The following ADAP2 variants were observed in gnomAD, a reference collection of about 807,000 sequenced individuals.
The protein encoded by ADAP2 is ArfGAP with dual PH domains 2, also known as arf-GAP with dual PH domain-containing protein 2.
ADAP2 carries 42 observed loss-of-function variants against 54.9 expected under a neutral mutation model. The ratio of observed to expected loss-of-function variants is 0.77; its 90% CI spans 0.60 to 0.99. The LOEUF is 0.99. Ranked by LOEUF, ADAP2 falls within the 50% of genes least tolerant of loss-of-function variation. ADAP2 has a pLI of 0.00. For synonymous variants in ADAP2, 177 were observed against 180.1 expected (o/e 0.98, Z 0.14); for missense variants, 429 against 480.4 (o/e 0.89, Z 1.00).
rs772545267 is a variant in ADAP2 at position 30,926,912 on chromosome 17, A to C, written c.311A>C (p.Asp104Ala). ...TTCTACTACATCCCCCAGGCCAACG[A>C]CTGCCTGTGAGTGGGTGATTCCTTA... ...PAFYYIPQANDCLVLKEQWIR... is the reference protein window; with the variant it reads ...PAFYYIPQANACLVLKEQWIR... The change falls in exon 3 of 11, where the codon GAC becomes GCC. Residue 104 changes from aspartate to alanine, a missense_variant. Physicochemically the swap from Asp to Ala is moderately radical, Grantham distance 126 (BLOSUM62 -2). Coordinates refer to ENST00000330889, the MANE Select transcript of ADAP2 (RefSeq NM_018404.3). 5 of 1,613,432 alleles carry C rather than the reference A, an allele frequency of 3.1e-6. No homozygotes were observed.
intron 7 of ADAP2, among the ~76,000 whole-genome samples, chr17:30,953,070 G>T (rs891069085): frequency 6.6e-6 from 1 of 152,102 alleles, no homozygotes; most frequent in Admixed American, 6.5e-5. Flanking sequence ...ACCAAAACTC[G>T]GCCGTGCCAC....
At chr17:30,927,029 T>A (rs947218570) in intron 3 of ADAP2, 111 bp downstream of exon 3, 2 of 799,956 alleles carry the variant, frequency 2.5e-6, no homozygotes, top group African/African-American at 3.4e-5. Context: ...ATGGGCCTGG[T>A]GCGCAGGTGG....
intron 5 of ADAP2, among the ~76,000 whole-genome samples, chr17:30,938,274 G>A (rs1391916256): frequency 6.6e-6 from 1 of 152,168 alleles, no homozygotes; most frequent in Non-Finnish European, 1.5e-5. Context: ...CTCATGTCTG[G>A]TGCCTTGGTG....
At chr17:30,954,342 G>T in intron 8 of ADAP2, 136 bp from the exon 9 acceptor site, 1 of 727,844 alleles carries the variant, frequency 1.4e-6, no homozygotes, top group Non-Finnish European at 2.4e-6. Context: ...GAAGCACTAG[G>T]ATGTCTGACT....
intron 6 of ADAP2, among the ~76,000 whole-genome samples, chr17:30,946,445 C>T (rs1912684658): frequency 6.6e-6 from 1 of 152,072 alleles, no homozygotes; most frequent in Non-Finnish European, 1.5e-5. Flanking sequence ...TCTTGAATTC[C>T]TGACCTCAAG....
At chr17:30,922,468 G>A (rs1186487260) in intron 1 of ADAP2, among the ~76,000 whole-genome samples, 1 of 152,172 alleles carries the variant, frequency 6.6e-6, no homozygotes, top group Non-Finnish European at 1.5e-5. Flanking sequence ...CGATGTCTGC[G>A]CACCCAGGCG....
chr17:30,954,603 G>C (rs1422880351), intron 9 of ADAP2, 48 bp downstream of exon 9: 1 of 1,496,560 alleles, frequency 6.7e-7, no homozygotes, highest in African/African-American at 1.4e-5. Context: ...AAACATTGCT[G>C]GGTGGTGCTT....
Position 30,934,252 on chromosome 17 carries a change from A to G in ADAP2, c.465A>G (p.Val155=), listed in dbSNP as rs1439504880. ...CACAGTTTCTGAGAAGGAAGTTTGTACTTCTGGCAAGAGAAGGCCTCCTGA... is the reference window on the plus strand; with the variant it reads ...CACAGTTTCTGAGAAGGAAGTTTGTGCTTCTGGCAAGAGAAGGCCTCCTGA... ...DNSQFLRRKF[V]LLAREGLLKY... Residue 155 remains valine, a synonymous_variant, in exon 5 of 11, where the codon GTA becomes GTG. Transcript: ENST00000330889. 1.2e-6 allele frequency: 2 copies of G among 1,614,170 alleles called. No individual in the cohort carries two copies. The highest frequency in any genetic ancestry group is 8.5e-7 in the Non-Finnish European group (1 of 1,179,992).
chr17:30,947,828 GC>G lies in ADAP2; in HGVS notation c.658-1457del, dbSNP rs544245345. On this transcript the variant is annotated intron_variant, in intron 6 of 10. Transcript: ENST00000330889. Reference sequence around the variant, plus strand: ...TCACAAACTACCACTATTTGAACAAGCCTTTAGCCTCCCAATTCCAAATTCC... The same window carrying G: ...TCACAAACTACCACTATTTGAACAAGCTTTAGCCTCCCAATTCCAAATTCC... 3.1e-3 allele frequency among the ~76,000 whole-genome samples: 479 copies of G among 152,302 alleles called. 3 individuals are homozygous for G. The highest frequency in any genetic ancestry group is 0.011 in the African/African-American group (455 of 41,590).
At position 30,945,002 on chromosome 17, in the gene ADAP2, C is replaced by T. The variant is rs767668212; in HGVS notation, c.606C>T (p.Tyr202=). The stretch of plus-strand genomic sequence containing the variant: ...ACCCCCATGGGCTGCAGATCACCTA[C>T]AGGAGAGATGGCCACACCAGGAACC... The part of the protein sequence containing the change: ...IGHPHGLQIT[Y]RRDGHTRNLF... The change falls in exon 6 of 11, where the codon TAC becomes TAT. Residue 202 remains tyrosine, a synonymous_variant. Coordinates refer to ENST00000330889, the MANE Select transcript of ADAP2 (RefSeq NM_018404.3). The T allele has an allele frequency of 6.8e-6, 11 of 1,614,118 alleles. No individual in the cohort carries two copies. The East Asian group carries it at 1.8e-4, about 26-fold the overall frequency.
intron 5 of ADAP2, among the ~76,000 whole-genome samples, chr17:30,938,250 C>T (rs1434098661): frequency 2.0e-5 from 3 of 152,198 alleles, no homozygotes; most frequent in African/African-American, 7.2e-5. Context: ...GCCAGAGACC[C>T]AAAGAAGCTT....
chr17:30,935,985 TCA>T (rs1911842547), intron 5 of ADAP2, among the ~76,000 whole-genome samples: 1 of 152,128 alleles, frequency 6.6e-6, no homozygotes, highest in Non-Finnish European at 1.5e-5. Flanking sequence ...TTTAGTGTAT[TCA>T]CAGAGTAGCA....
intron 3 of ADAP2, among the ~76,000 whole-genome samples, chr17:30,930,029 TG>T (rs1262110781): frequency 6.6e-6 from 1 of 151,358 alleles, no homozygotes; most frequent in Admixed American, 6.6e-5. Flanking sequence ...GACTCTTGAT[TG>T]TAAGCGACAG....
intron 5 of ADAP2, among the ~76,000 whole-genome samples, chr17:30,939,500 G>A (rs1324368052): frequency 6.6e-6 from 1 of 151,040 alleles, no homozygotes; most frequent in East Asian, 1.9e-4. Flanking sequence ...GGCCAGGCTC[G>A]GAGGCTCACA....
chr17:30,926,598 T>C (rs1427106394), intron 2 of ADAP2, among the ~76,000 whole-genome samples: 1 of 152,104 alleles, frequency 6.6e-6, no homozygotes, highest in Admixed American at 6.6e-5. Context: ...GAGGACCCAG[T>C]GAGCTGATGT....
chr17:30,954,373 C>G, intron 8 of ADAP2, 105 bp from the exon 9 acceptor site: 2 of 900,232 alleles, frequency 2.2e-6, no homozygotes, highest in Non-Finnish European at 3.7e-6. Flanking sequence ...GGCTGGAGAA[C>G]CAGTGGGACT....
intron 5 of ADAP2, among the ~76,000 whole-genome samples, chr17:30,936,239 T>TA (rs1354778956): frequency 2.2e-4 from 33 of 152,212 alleles, no homozygotes; most frequent in African/African-American, 7.9e-4. Flanking sequence ...ACTGCAACCT[T>TA]AAATTACTGG....
intron 5 of ADAP2, among the ~76,000 whole-genome samples, chr17:30,937,513 C>T (rs544009462): frequency 1.2e-4 from 18 of 152,330 alleles, no homozygotes; most frequent in East Asian, 9.6e-4. Context: ...TGAGCCACTG[C>T]GCCCAGCCTG....
At chr17:30,946,171 C>CA (rs990000747) in intron 6 of ADAP2, among the ~76,000 whole-genome samples, 1 of 151,684 alleles carries the variant, frequency 6.6e-6, no homozygotes, top group Non-Finnish European at 1.5e-5. Context: ...ACAAAAAAAA[C>CA]AAAAAAACTG....
Sources: gnomAD v4.1 joint callset for allele counts (sites outside exome capture counted in the v4.1 genomes callset) on GRCh38, gnomAD v4.1.1 for gene constraint, MANE v1.5 for transcripts, NCBI Gene and HGNC (gene_info 2026-07-23, HGNC 2026-07-21) for gene names.